PRKN: variants seen among roughly 807,000 people sequenced by gnomAD.
The protein encoded by PRKN is E3 ubiquitin-protein ligase parkin.
Under a neutral mutation model 59.5 loss-of-function variants are expected in PRKN, and 56 were observed. The observed-to-expected ratio is 0.94, with a 90% confidence interval of 0.76 to 1.18. The LOEUF (loss-of-function observed/expected upper bound fraction) is 1.18, where lower values mean the gene tolerates loss of function less well. PRKN is among the 50% of genes most tolerant of loss of function. PRKN has a pLI of 0.00. For missense variants in PRKN, 657 were observed against 596.4 expected (o/e 1.10, Z -1.06); for synonymous variants, 250 against 222.1 (o/e 1.13, Z -1.12).
chr6:161,847,115 C>T (rs1312927889), intron 6 of PRKN, among the ~76,000 whole-genome samples: 1 of 152,146 alleles, frequency 6.6e-6, no homozygotes, highest in Non-Finnish European at 1.5e-5. Flanking sequence ...CGAGATCATC[C>T]TGGCCAACAT....
rs912098903 is a variant in PRKN at position 161,499,721 on chromosome 6, T to C, written c.1083+49133A>G. 6.6e-6 allele frequency among the ~76,000 whole-genome samples: 1 copy of C among 152,232 alleles called. No homozygotes were observed. The highest frequency in any genetic ancestry group is 6.5e-5 in the Admixed American group (1 of 15,280). On this transcript the variant is annotated intron_variant, in intron 9 of 11. Transcript: ENST00000366898. The surrounding 1 kb of genome is among the most constrained non-coding windows in gnomAD (Gnocchi z 4.2). ...TTCCCTTGACAATTCTTAGGCACAA[T>C]TAATCTTGAGAATTACTGCTCTGTG...
intron 2 of PRKN, among the ~76,000 whole-genome samples, chr6:162,396,628 A>G (rs1787488549): frequency 6.6e-6 from 1 of 152,124 alleles, no homozygotes; most frequent in African/African-American, 2.4e-5. Flanking sequence ...TGTGTTAGAA[A>G]ACATTTTTTG....
At chr6:162,437,452 G>A (rs1789833593) in intron 2 of PRKN, among the ~76,000 whole-genome samples, 1 of 151,998 alleles carries the variant, frequency 6.6e-6, no homozygotes, top group Non-Finnish European at 1.5e-5. Flanking sequence ...CCCAGCTTCC[G>A]CCAGTGGTAA....
At chr6:162,117,727 A>G (rs1173605274) in intron 4 of PRKN, among the ~76,000 whole-genome samples, 1 of 152,234 alleles carries the variant, frequency 6.6e-6, no homozygotes, top group Non-Finnish European at 1.5e-5. Flanking sequence ...GTCAGGTTTG[A>G]GGACAAGCCT....
intron 1 of PRKN, among the ~76,000 whole-genome samples, chr6:162,671,941 GGC>G (rs1779339035): frequency 6.6e-6 from 1 of 151,936 alleles, no homozygotes; most frequent in Non-Finnish European, 1.5e-5. Flanking sequence ...CAGACACCAG[GGC>G]TGCAGACTGT....
At chr6:161,509,351 T>C (rs1470608501) in intron 9 of PRKN, among the ~76,000 whole-genome samples, 1 of 152,028 alleles carries the variant, frequency 6.6e-6, no homozygotes, top group Non-Finnish European at 1.5e-5. Flanking sequence ...AGAGAGAAAA[T>C]GATCCATTCT....
At chr6:162,181,059 T>C (rs1583162136) in intron 4 of PRKN, among the ~76,000 whole-genome samples, 1 of 152,310 alleles carries the variant, frequency 6.6e-6, no homozygotes. Flanking sequence ...TACACCACGT[T>C]TCATTCAGAA....
intron 7 of PRKN, among the ~76,000 whole-genome samples, chr6:161,676,737 T>C (rs1355376924): frequency 6.6e-6 from 1 of 152,204 alleles, no homozygotes; most frequent in East Asian, 1.9e-4. Flanking sequence ...AAGGCTGGCC[T>C]GTTTTGGGGA....
chr6:162,002,656 T>C (rs1046512812), intron 5 of PRKN, among the ~76,000 whole-genome samples: 27 of 152,032 alleles, frequency 1.8e-4, no homozygotes, highest in Non-Finnish European at 2.9e-5. Context: ...GCTCTAAATT[T>C]AATACTTCTC....
chr6:161,763,714 C>T (rs1562665362), intron 7 of PRKN, among the ~76,000 whole-genome samples: 1 of 152,054 alleles, frequency 6.6e-6, no homozygotes, highest in African/African-American at 2.4e-5. Flanking sequence ...TGCAATATCA[C>T]CCATATTAAA....
At chr6:162,424,473 C>T (rs563618866) in intron 2 of PRKN, among the ~76,000 whole-genome samples, 16 of 152,138 alleles carry the variant, frequency 1.1e-4, no homozygotes, top group Admixed American at 2.6e-4. Flanking sequence ...TGGTGGCTCA[C>T]GCTTGTAATC....
At chr6:162,371,297 GTCT>G (rs1353729094) in intron 2 of PRKN, among the ~76,000 whole-genome samples, 1 of 152,144 alleles carries the variant, frequency 6.6e-6, no homozygotes, top group Non-Finnish European at 1.5e-5. Flanking sequence ...AATAGGAACT[GTCT>G]TCTTTAGAAA....
chr6:161,628,229 G>C (rs896152120), intron 7 of PRKN, among the ~76,000 whole-genome samples: 1 of 152,190 alleles, frequency 6.6e-6, no homozygotes, highest in Non-Finnish European at 1.5e-5. Context: ...GAAGAAATGA[G>C]TGTCTTAGTC....
intron 7 of PRKN, among the ~76,000 whole-genome samples, chr6:161,662,411 G>A (rs1784581395): frequency 6.6e-6 from 1 of 152,196 alleles, no homozygotes; most frequent in South Asian, 2.1e-4. Flanking sequence ...GATGGTGGTG[G>A]TGGTGGTATT....
In PRKN at chr6:161,483,078, C is replaced by G. The variant is rs773396750; in HGVS notation, c.1083+65776G>C. ...GTGAATTTGGTTTTGTAAAAGTATG[C>G]TAGGGAGAAGATGCAAGGGACTTCT... On this transcript the variant is annotated intron_variant, in intron 9 of 11. Coordinates refer to ENST00000366898, the MANE Select transcript of PRKN (RefSeq NM_004562.3). This position sits in a 1 kb window ranked among gnomAD's most constrained non-coding sequence, Gnocchi z 5.0. Among the ~76,000 whole-genome samples the G allele has an allele frequency of 4.6e-5, 7 of 151,224 alleles. No individual in the cohort carries two copies. The highest frequency in any genetic ancestry group is 7.3e-5 in the African/African-American group (3 of 41,038).
intron 4 of PRKN, among the ~76,000 whole-genome samples, chr6:162,122,758 C>CTATCTA (rs1049390497): frequency 4.0e-5 from 6 of 148,628 alleles, no homozygotes; most frequent in African/African-American, 1.5e-4. Flanking sequence ...ATCTATCTAT[C>CTATCTA]TCTGATATAT....
chr6:161,841,366 T>TC (rs1445834598), intron 6 of PRKN, among the ~76,000 whole-genome samples: 1 of 151,786 alleles, frequency 6.6e-6, no homozygotes, highest in Non-Finnish European at 1.5e-5. Flanking sequence ...TTTTTTTTTT[T>TC]TGAGACAGGG....
intron 2 of PRKN, among the ~76,000 whole-genome samples, chr6:162,408,791 T>C (rs1030610881): frequency 6.6e-6 from 1 of 152,188 alleles, no homozygotes; most frequent in African/African-American, 2.4e-5. Flanking sequence ...ATCTTCACCA[T>C]GGACACAATC....
intron 1 of PRKN, among the ~76,000 whole-genome samples, chr6:162,691,014 C>T (rs994437555): frequency 6.6e-5 from 10 of 152,080 alleles, no homozygotes; most frequent in Non-Finnish European, 1.3e-4. Context: ...GGAATCTTTA[C>T]TAGTAATGTT....
Sources: allele counts gnomAD v4.1 joint callset (sites outside exome capture counted in the v4.1 genomes callset), GRCh38; gene constraint gnomAD v4.1.1; non-coding constraint Gnocchi (gnomAD v3.1); transcripts MANE v1.5; gene names NCBI Gene and HGNC (gene_info 2026-07-23, HGNC 2026-07-21).